Variants in TTC33 observed in about 807,000 individuals in gnomAD.
TTC33 encodes the protein tetratricopeptide repeat protein 33.
In TTC33, 24 loss-of-function variants were observed where a neutral mutation model predicts 29.4. That is an observed-to-expected ratio of 0.82 (90% confidence interval 0.59 to 1.15). The LOEUF is 1.15. Ranked by LOEUF, TTC33 falls within the 50% of genes most tolerant of loss-of-function variation. The probability of loss-of-function intolerance (pLI) is 0.00; values close to 1 mark genes in which losing one functional copy is unlikely to be tolerated. For synonymous variants in TTC33, 107 were observed against 100.3 expected, an observed-to-expected ratio of 1.07 and a Z score of -0.40; for missense variants, 286 against 310.4, an observed-to-expected ratio of 0.92 and a Z score of 0.59.
intron 4 of TTC33, among the ~76,000 whole-genome samples, chr5:40,717,229 CAAAAAAAAA>C (rs35359209): frequency 9.2e-6 from 1 of 108,902 alleles, no homozygotes; most frequent in Non-Finnish European, 1.8e-5. Flanking sequence ...AACTCCATCT[CAAAAAAAAA>C]AAAAAAAAAG....
At chr5:40,744,789 C>T (rs1742760881) in intron 2 of TTC33, among the ~76,000 whole-genome samples, 1 of 152,186 alleles carries the variant, frequency 6.6e-6, no homozygotes, top group African/African-American at 2.4e-5. Context: ...GAGGACAATG[C>T]TTTAAGATTT....
chr5:40,747,829 A>G (rs60851803), intron 1 of TTC33, among the ~76,000 whole-genome samples: 4 of 151,770 alleles, frequency 2.6e-5, no homozygotes, highest in Admixed American at 2.6e-4. Context: ...TGAGAAGAAA[A>G]CTTTTTTTTT....
intron 2 of TTC33, among the ~76,000 whole-genome samples, chr5:40,731,103 A>G (rs1252453933): frequency 6.6e-6 from 1 of 152,192 alleles, no homozygotes; most frequent in Non-Finnish European, 1.5e-5. Flanking sequence ...ATGTGACAGG[A>G]AAAACTTTGG....
intron 2 of TTC33, among the ~76,000 whole-genome samples, chr5:40,730,822 C>T (rs1742409774): frequency 2.6e-5 from 4 of 152,030 alleles, no homozygotes. Context: ...GAAATGGGTT[C>T]ATATGTAACA....
Position 40,712,652 on chromosome 5 carries a change from C to T in TTC33, c.*3493G>A, listed in dbSNP as rs1386237915. Among the ~76,000 whole-genome samples the T allele has an allele frequency of 6.6e-6, 1 of 152,170 alleles. No individual in the cohort carries two copies. Among genetic ancestry groups the T allele is most frequent in the African/African-American group, 2.4e-5 (1 of 41,436 alleles). On this transcript the variant is annotated 3_prime_UTR_variant, in exon 5 of 5. Transcript: ENST00000337702. Reference sequence around the variant, plus strand: ...CAATGTAGCTGGCAAGAGACCACAACATCGGTTCTCTGCAGTTATGACAAA... The same window carrying T: ...CAATGTAGCTGGCAAGAGACCACAATATCGGTTCTCTGCAGTTATGACAAA...
At chr5:40,730,220 G>T in intron 3 of TTC33, 42 bp downstream of exon 3, 1 of 1,494,274 alleles carries the variant, frequency 6.7e-7, no homozygotes, top group South Asian at 1.2e-5. Flanking sequence ...AACAAACATA[G>T]CACAATTTCA....
chr5:40,712,901 ACTT>A lies in TTC33; in HGVS notation c.*3241_*3243del, dbSNP rs1485321502. ...CATGTTACAGTAGCTTTAGGGCCAC[ACTT>A]CTTCTTCCGAAGTAACCATATTTAA... On this transcript the variant is annotated 3_prime_UTR_variant, in exon 5 of 5. Coordinates refer to ENST00000337702, the MANE Select transcript of TTC33 (RefSeq NM_012382.3). Among the ~76,000 whole-genome samples the A allele has an allele frequency of 2.0e-5, 3 of 152,264 alleles. No homozygotes were observed. Among genetic ancestry groups the A allele is most frequent in the South Asian group, 2.1e-4 (1 of 4,826 alleles).
chr5:40,742,197 C>T (rs2111923855), intron 2 of TTC33, among the ~76,000 whole-genome samples: 1 of 152,088 alleles, frequency 6.6e-6, no homozygotes, highest in Middle Eastern at 3.4e-3. Context: ...GAAATCCATG[C>T]CTACTTTTTA....
chr5:40,731,794 T>A (rs1742434513), intron 2 of TTC33, among the ~76,000 whole-genome samples: 1 of 152,178 alleles, frequency 6.6e-6, no homozygotes, highest in South Asian at 2.1e-4. Context: ...CAAAGGCTCC[T>A]CCTCTAAGAC....
At chr5:40,740,412 TACAAAGA>T (rs1742667751) in intron 2 of TTC33, among the ~76,000 whole-genome samples, 1 of 152,090 alleles carries the variant, frequency 6.6e-6, no homozygotes, top group Non-Finnish European at 1.5e-5. Context: ...ATTTTTATAA[TACAAAGA>T]ATTCTAAGTT....
intron 2 of TTC33, among the ~76,000 whole-genome samples, chr5:40,742,307 T>C (rs1742711465): frequency 6.6e-6 from 1 of 152,066 alleles, no homozygotes; most frequent in African/African-American, 2.4e-5. Flanking sequence ...ACAGAATAAT[T>C]AGGACTACTA....
chr5:40,746,348 A>G (rs1368382733), intron 2 of TTC33, among the ~76,000 whole-genome samples: 2 of 152,222 alleles, frequency 1.3e-5, no homozygotes, highest in Non-Finnish European at 2.9e-5. Flanking sequence ...ACTTAAGTAT[A>G]TAAGAAGTAA....
intron 4 of TTC33, among the ~76,000 whole-genome samples, chr5:40,717,421 T>G (rs1047197289): frequency 3.3e-5 from 5 of 152,154 alleles, no homozygotes; most frequent in African/African-American, 1.2e-4. Context: ...GTCCATTCTC[T>G]TATTCATTAT....
chr5:40,729,231 A>T (rs1418322734), intron 3 of TTC33, among the ~76,000 whole-genome samples: 1 of 152,238 alleles, frequency 6.6e-6, no homozygotes, highest in Non-Finnish European at 1.5e-5. Flanking sequence ...CTTGATTCAG[A>T]TGACATAATT....
At position 40,722,480 on chromosome 5, in the gene TTC33, C is replaced by A. The variant is rs373170425; in HGVS notation, c.435+5865G>T. Among the ~76,000 whole-genome samples, 54 of 151,614 alleles carry A rather than the reference C, an allele frequency of 3.6e-4. No homozygotes were observed. In the East Asian group the frequency reaches 7.4e-3, roughly 21 times the overall value. On this transcript the variant is annotated intron_variant, in intron 4 of 4. Coordinates refer to ENST00000337702, the MANE Select transcript of TTC33 (RefSeq NM_012382.3). ...AGTGAGGAGCCTCTCTGCCTGGCGG[C>A]CCATCGTCTGGGATGTGGGGAGCGC...
At chr5:40,738,282 T>A (rs978371905) in intron 2 of TTC33, among the ~76,000 whole-genome samples, 1 of 151,500 alleles carries the variant, frequency 6.6e-6, no homozygotes, top group East Asian at 1.9e-4. Context: ...CATAGAGTGG[T>A]GCGCGCCTGT....
chr5:40,735,353 AC>A (rs1248136547), intron 2 of TTC33, among the ~76,000 whole-genome samples: 1 of 152,190 alleles, frequency 6.6e-6, no homozygotes, highest in Non-Finnish European at 1.5e-5. Flanking sequence ...GTATGAGATA[AC>A]CCTAGATAAG....
intron 2 of TTC33, among the ~76,000 whole-genome samples, chr5:40,744,903 T>C (rs991399003): frequency 6.6e-5 from 10 of 152,188 alleles, no homozygotes; most frequent in Non-Finnish European, 1.3e-4. Flanking sequence ...AATATAATAT[T>C]ATTTATCTCC....
At chr5:40,747,112 A>G (rs1742804398) in intron 1 of TTC33, 93 bp from the exon 2 acceptor site, 1 of 1,113,802 alleles carries the variant, frequency 9.0e-7, no homozygotes, top group South Asian at 1.6e-5. Context: ...AGGCTGGAGT[A>G]CGATGGCACG....
Sources: allele counts gnomAD v4.1 joint callset (sites outside exome capture counted in the v4.1 genomes callset), GRCh38; gene constraint gnomAD v4.1.1; transcripts MANE v1.5; gene names NCBI Gene and HGNC (gene_info 2026-07-23, HGNC 2026-07-21).